Variants in ABLIM3 observed in about 807,000 individuals in gnomAD.
The protein encoded by ABLIM3 is actin binding LIM protein family member 3, also known as actin-binding LIM protein 3.
ABLIM3 carries 61 observed loss-of-function variants against 109.5 expected under a neutral mutation model. That is an observed-to-expected ratio of 0.56 (90% CI 0.45 to 0.69). The LOEUF (loss-of-function observed/expected upper bound fraction) is 0.69, where lower values mean the gene tolerates loss of function less well. Among genes scored for constraint, ABLIM3 ranks in the 30% least tolerant of loss-of-function variants. The pLI is 0.00. For missense variants in ABLIM3, 796 were observed against 889.5 expected (o/e 0.89, Z 1.34); for synonymous variants, 300 against 324.8 (o/e 0.92, Z 0.82).
chr5:149,207,725 T>C (rs1759138169), intron 6 of ABLIM3, among the ~76,000 whole-genome samples: 1 of 152,204 alleles, frequency 6.6e-6, no homozygotes, highest in Non-Finnish European at 1.5e-5. Flanking sequence ...TTTTAATCAC[T>C]GCTATATCCC....
chr5:149,250,334 C>G, intron 19 of ABLIM3, 113 bp from the exon 20 acceptor site: 1 of 1,075,606 alleles, frequency 9.3e-7, no homozygotes, highest in Non-Finnish European at 1.4e-6. Flanking sequence ...CTCTGGCCTC[C>G]ACCCCTTCCT....
intron 2 of ABLIM3, among the ~76,000 whole-genome samples, chr5:149,172,195 G>T (rs1173134772): frequency 3.3e-5 from 5 of 152,022 alleles, no homozygotes; most frequent in Non-Finnish European, 4.4e-5. Flanking sequence ...GTATTGGGGT[G>T]CAAATAACAT....
intron 8 of ABLIM3, among the ~76,000 whole-genome samples, chr5:149,228,572 G>C (rs1348686198): frequency 6.6e-6 from 1 of 152,086 alleles, no homozygotes; most frequent in Non-Finnish European, 1.5e-5. Context: ...TCACATTGTT[G>C]AGCTATTGGC....
At chr5:149,256,211 G>A (rs1442411492) in intron 23 of ABLIM3, among the ~76,000 whole-genome samples, 2 of 152,156 alleles carry the variant, frequency 1.3e-5, no homozygotes, top group Non-Finnish European at 2.9e-5. Flanking sequence ...TTACTTGAGG[G>A]TGAGTCTACC....
At chr5:149,232,269 G>C (rs1379649804) in intron 9 of ABLIM3, among the ~76,000 whole-genome samples, 1 of 152,196 alleles carries the variant, frequency 6.6e-6, no homozygotes, top group Non-Finnish European at 1.5e-5. Context: ...TTGTGCCTCT[G>C]TACTCCAGCC....
rs140411118 is a variant in ABLIM3, at chr5:149,233,485, C to T, written c.888+185C>T. ...GGGTACAGGGAGGACATAGATCCCGCCCTCATGAAGCAAACAGTCTAGTAA... is the reference window on the plus strand; with the variant it reads ...GGGTACAGGGAGGACATAGATCCCGTCCTCATGAAGCAAACAGTCTAGTAA... On this transcript the variant is annotated intron_variant, in intron 10 of 23. Transcript: ENST00000309868. 2.6e-3 allele frequency among the ~76,000 whole-genome samples: 403 copies of T among 152,220 alleles called. 1 individual carries two copies. Among genetic ancestry groups the T allele is most frequent in the African/African-American group, 8.8e-3 (364 of 41,534 alleles).
intron 2 of ABLIM3, among the ~76,000 whole-genome samples, chr5:149,180,860 A>C (rs1337434349): frequency 6.6e-6 from 1 of 152,126 alleles, no homozygotes; most frequent in Non-Finnish European, 1.5e-5. Flanking sequence ...TTGATTTTAC[A>C]CTTTTTTATC....
At chr5:149,145,153 C>G (rs1424170740) in intron 2 of ABLIM3, among the ~76,000 whole-genome samples, 2 of 152,168 alleles carry the variant, frequency 1.3e-5, no homozygotes, top group Non-Finnish European at 2.9e-5. Flanking sequence ...TCCCTTCCCC[C>G]TCTAGTAGTG....
chr5:149,152,347 G>A (rs1753510519), intron 2 of ABLIM3, among the ~76,000 whole-genome samples: 1 of 152,200 alleles, frequency 6.6e-6, no homozygotes, highest in African/African-American at 2.4e-5. Flanking sequence ...GGAAGCTGCA[G>A]CACATCTGTT....
Position 149,221,850 on chromosome 5 carries a change from C to A in ABLIM3, c.757+4804C>A, listed in dbSNP as rs181470797. Among the ~76,000 whole-genome samples the A allele has an allele frequency of 5.3e-5, 8 of 152,118 alleles. No homozygotes were observed. The East Asian group carries it at 1.5e-3, about 29-fold the overall frequency. ...TGCTCTTGTTCTAAATGTGCCTGTA[C>A]CCAGGAAAAGGGAGAAAATAGACTC... On this transcript the variant is annotated intron_variant, in intron 8 of 23. Coordinates refer to ENST00000309868, the MANE Select transcript of ABLIM3 (RefSeq NM_014945.5).
chr5:149,203,389 T>C (rs557856232), intron 5 of ABLIM3, among the ~76,000 whole-genome samples: 161 of 144,434 alleles, frequency 1.1e-3, no homozygotes, highest in African/African-American at 3.4e-3. Flanking sequence ...AAAAACCTCA[T>C]TGAGAGCAAT....
At chr5:149,252,250 G>T in intron 22 of ABLIM3, 42 bp downstream of exon 22, 3 of 1,608,220 alleles carry the variant, frequency 1.9e-6, no homozygotes, top group Non-Finnish European at 2.5e-6. Flanking sequence ...CAGGATTCTT[G>T]GAGCCGCTAC....
chr5:149,170,056 T>C (rs1302878298), intron 2 of ABLIM3, among the ~76,000 whole-genome samples: 1 of 152,126 alleles, frequency 6.6e-6, no homozygotes, highest in African/African-American at 2.4e-5. Flanking sequence ...GGGGGTTCGT[T>C]GTACAGATTA....
intron 2 of ABLIM3, among the ~76,000 whole-genome samples, chr5:149,166,130 C>A (rs1028868753): frequency 3.3e-5 from 5 of 152,044 alleles, no homozygotes; most frequent in Non-Finnish European, 7.4e-5. Context: ...ACTTTAAAAT[C>A]CATATTTCTG....
rs79208196 is a variant in ABLIM3 at position 149,198,641 on chromosome 5, G to A, written c.335+239G>A. On this transcript the variant is annotated intron_variant, in intron 4 of 23. Transcript: ENST00000309868. The surrounding 1 kb of genome is among the most constrained non-coding windows in gnomAD (Gnocchi z 4.2). Reference sequence around the variant, plus strand: ...ACTGGTTTGTCCTGTGATAGAGGCAGAGTGAGGATCTGTACCTCTAAACTC... The same window carrying A: ...ACTGGTTTGTCCTGTGATAGAGGCAAAGTGAGGATCTGTACCTCTAAACTC... 2.4e-3 allele frequency among the ~76,000 whole-genome samples: 369 copies of A among 152,324 alleles called. 2 individuals carry two copies. Among genetic ancestry groups the A allele is most frequent in the African/African-American group, 8.6e-3 (358 of 41,550 alleles).
Position 149,235,249 on chromosome 5 carries a change from T to G in ABLIM3, c.888+1949T>G, listed in dbSNP as rs187658227. On this transcript the variant is annotated intron_variant, in intron 10 of 23. Transcript: ENST00000309868. ...ATGGCTTTCAAATTTGGAAAAAAATTCATCCATCTGCTTTGGATAGATGCA... is the reference window on the plus strand; with the variant it reads ...ATGGCTTTCAAATTTGGAAAAAAATGCATCCATCTGCTTTGGATAGATGCA... 3.3e-3 allele frequency among the ~76,000 whole-genome samples: 498 copies of G among 152,342 alleles called. 1 individual carries two copies. The highest frequency in any genetic ancestry group is 5.6e-3 in the Non-Finnish European group (379 of 68,028).
At chr5:149,205,649 C>T (rs1215784568) in intron 5 of ABLIM3, among the ~76,000 whole-genome samples, 1 of 152,158 alleles carries the variant, frequency 6.6e-6, no homozygotes, top group Non-Finnish European at 1.5e-5. Flanking sequence ...TATAGACTTA[C>T]CCCAGGAGAA....
At chr5:149,170,258 C>CCT (rs1554082431) in intron 2 of ABLIM3, among the ~76,000 whole-genome samples, 14 of 151,396 alleles carry the variant, frequency 9.2e-5, no homozygotes, top group Non-Finnish European at 1.5e-4. Context: ...CTCTCTCTCT[C>CCT]TCTCTCCTTC....
At position 149,240,751 on chromosome 5, in the gene ABLIM3, C is replaced by T. The variant is rs772575105; in HGVS notation, c.1280C>T (p.Ala427Val). The T allele has an allele frequency of 3.7e-6, 6 of 1,614,056 alleles. No homozygotes were observed. The African/African-American group carries it at 5.3e-5, about 14-fold the overall frequency. Residue 427 changes from alanine (A) to valine (V), a missense_variant, in exon 14 of 24, where the codon GCT (alanine) becomes GTT (valine). By Grantham distance (64) the Ala-to-Val change is moderately conservative. Coordinates refer to ENST00000309868, the MANE Select transcript of ABLIM3 (RefSeq NM_014945.5). ...TCCTCCACTCCAACCTCTTACCAGG[C>T]TCCCAAGCACTTTCACATCCCAGGT... Reference protein sequence around the residue: ...VRSSTPTSYQAPKHFHIPAGD... With the variant: ...VRSSTPTSYQVPKHFHIPAGD...
Sources: gnomAD v4.1 joint callset for allele counts (sites outside exome capture counted in the v4.1 genomes callset) on GRCh38, gnomAD v4.1.1 for gene constraint, Gnocchi (gnomAD v3.1) non-coding constraint, MANE v1.5 for transcripts, NCBI Gene and HGNC (gene_info 2026-07-23, HGNC 2026-07-21) for gene names.